The following SLC9D1 variants were observed in gnomAD, a reference collection of about 807,000 sequenced individuals.
The protein encoded by SLC9D1 is putative LAG1-interacting protein.
the SLC9D1 span, chr13:113,548,282 C>G: frequency 6.2e-7 from 1 of 1,612,894 alleles, no homozygotes; most frequent in Non-Finnish European, 8.5e-7. Flanking sequence ...TCAGCAGTGA[C>G]GTAATGAACC....
the SLC9D1 span, among the ~76,000 whole-genome samples, chr13:113,526,538 G>A: frequency 6.6e-6 from 1 of 151,814 alleles, no homozygotes; most frequent in South Asian, 2.1e-4. Flanking sequence ...GGGCAACATA[G>A]CAAGACCTCA....
chr13:113,499,579 G>C, the SLC9D1 span, among the ~76,000 whole-genome samples: 2 of 152,204 alleles, frequency 1.3e-5, no homozygotes, highest in Non-Finnish European at 2.9e-5. Flanking sequence ...GACGAAAATT[G>C]ACTGTGGGTC....
At chr13:113,549,587 G>A in the SLC9D1 span, 59 of 1,611,842 alleles carry the variant, frequency 3.7e-5, no homozygotes, top group African/African-American at 6.9e-4. Flanking sequence ...TGGGGAGTGA[G>A]CGCTTAGATG....
the SLC9D1 span, chr13:113,520,778 CTT>C: frequency 1.4e-6 from 2 of 1,391,444 alleles, no homozygotes; most frequent in Non-Finnish European, 1.0e-6. Flanking sequence ...TTTAAAATCA[CTT>C]GTGCATAAAA....
chr13:113,492,605 A>C, the SLC9D1 span, among the ~76,000 whole-genome samples: 3 of 152,228 alleles, frequency 2.0e-5, no homozygotes, highest in African/African-American at 7.2e-5. Context: ...CAATTGCTCA[A>C]GATGCAGAAA....
At chr13:113,549,306 C>A in the SLC9D1 span, 2 of 1,167,828 alleles carry the variant, frequency 1.7e-6, no homozygotes, top group South Asian at 1.5e-5. Flanking sequence ...TGTGCTCAGC[C>A]TCAGGACTCT....
chr13:113,504,396 G>A, the SLC9D1 span: 1 of 152,128 alleles, frequency 6.6e-6, no homozygotes, highest in Admixed American at 6.5e-5. Flanking sequence ...ACATGCGTAG[G>A]TTCTTTAGTG....
At chr13:113,503,459 A>C in the SLC9D1 span, 2 of 1,516,974 alleles carry the variant, frequency 1.3e-6, no homozygotes, top group Non-Finnish European at 1.8e-6. Context: ...TATGTTAAAC[A>C]TGTACAATTA....
the SLC9D1 span, among the ~76,000 whole-genome samples, chr13:113,540,995 G>A: frequency 2.0e-5 from 3 of 152,128 alleles, no homozygotes; most frequent in East Asian, 3.8e-4. Context: ...GCTTGTTATC[G>A]TAGGCTTTGT....
At chr13:113,533,624 C>G in the SLC9D1 span, among the ~76,000 whole-genome samples, 3 of 152,232 alleles carry the variant, frequency 2.0e-5, no homozygotes, top group Admixed American at 2.0e-4. Flanking sequence ...GAGCTGGCTG[C>G]CTCGGGAGTG....
the SLC9D1 span, among the ~76,000 whole-genome samples, chr13:113,497,972 G>A: frequency 6.6e-6 from 1 of 152,188 alleles, no homozygotes; most frequent in East Asian, 1.9e-4. Context: ...TTAGATAGTA[G>A]CTCCACATTC....
the SLC9D1 span, chr13:113,550,112 A>G: frequency 1.9e-5 from 3 of 161,980 alleles, no homozygotes; most frequent in South Asian, 3.3e-4. Context: ...GTCAATTTCT[A>G]TTAGATATAT....
the SLC9D1 span, among the ~76,000 whole-genome samples, chr13:113,546,943 G>A: frequency 3.9e-5 from 6 of 152,224 alleles, no homozygotes; most frequent in Non-Finnish European, 7.3e-5. This position sits in a 1 kb window ranked among gnomAD's most constrained non-coding sequence, Gnocchi z 7.1. Flanking sequence ...CCTGGGCACT[G>A]TGGGGCTGTG....
chr13:113,516,492 G>A, the SLC9D1 span, among the ~76,000 whole-genome samples: 1 of 151,676 alleles, frequency 6.6e-6, no homozygotes, highest in African/African-American at 2.4e-5. Context: ...CTTGAACCCT[G>A]GAGGCGGAGC....
At chr13:113,550,032 T>TC in the SLC9D1 span, 1 of 218,460 alleles carries the variant, frequency 4.6e-6, no homozygotes, top group Non-Finnish European at 9.1e-6. Flanking sequence ...AAAGCCTATG[T>TC]TTTCTAAAAT....
the SLC9D1 span, chr13:113,495,461 G>GTTT: frequency 1.4e-6 from 1 of 690,398 alleles, no homozygotes; most frequent in East Asian, 2.5e-5. Context: ...CAATAGTAAT[G>GTTT]AATCATTGTT....
the SLC9D1 span, chr13:113,495,974 G>A: frequency 6.2e-7 from 1 of 1,613,432 alleles, no homozygotes; most frequent in African/African-American, 1.3e-5. Flanking sequence ...TCGTGAACAT[G>A]AAGGAGAGCA....
the SLC9D1 span, among the ~76,000 whole-genome samples, chr13:113,532,282 C>G: frequency 6.6e-6 from 1 of 152,342 alleles, no homozygotes; most frequent in African/African-American, 2.4e-5. Flanking sequence ...GGAAGAGGAG[C>G]TGGTGAGCAG....
chr13:113,501,662 A>G, the SLC9D1 span: 1 of 979,652 alleles, frequency 1.0e-6, no homozygotes, highest in Non-Finnish European at 1.5e-6. Context: ...GAAATCGGGG[A>G]ACTACGTCCT....
Sources: gnomAD v4.1 joint callset for allele counts (sites outside exome capture counted in the v4.1 genomes callset) on GRCh38, gnomAD v4.1.1 for gene constraint, Gnocchi (gnomAD v3.1) non-coding constraint, MANE v1.5 for transcripts, NCBI Gene and HGNC (gene_info 2026-07-23, HGNC 2026-07-21) for gene names.